PCDH15: variants seen among roughly 807,000 people sequenced by gnomAD.
The protein encoded by PCDH15 is protocadherin related 15.
Under a neutral mutation model 178.5 loss-of-function variants are expected in PCDH15, and 129 were observed. The ratio of observed to expected loss-of-function variants is 0.72; its 90% CI spans 0.63 to 0.84. PCDH15 has a LOEUF of 0.84. Among genes scored for constraint, PCDH15 ranks in the 40% least tolerant of loss-of-function variants. The pLI, the probability that PCDH15 is intolerant of heterozygous loss-of-function variation, is 0.00. For missense variants in PCDH15, 2,230 were observed against 2,099.9 expected (o/e 1.06, Z -1.21); for synonymous variants, 800 against 732.0 (o/e 1.09, Z -1.50).
At chr10:53,999,553 T>C (rs2092022666) in intron 20 of PCDH15, among the ~76,000 whole-genome samples, 1 of 152,186 alleles carries the variant, frequency 6.6e-6, no homozygotes, top group Non-Finnish European at 1.5e-5. Context: ...CAAGCTGATT[T>C]AAGAGGCCAT....
intron 3 of PCDH15, among the ~76,000 whole-genome samples, chr10:54,489,772 T>G (rs2079415081): frequency 6.6e-6 from 1 of 152,216 alleles, no homozygotes; most frequent in Non-Finnish European, 1.5e-5. Context: ...GATCTTACTA[T>G]TCTTTATCCT....
In PCDH15 at chr10:53,822,243, G is replaced by A. The variant is rs768915332; in HGVS notation, c.4368-2013C>T. The A allele has an allele frequency of 2.5e-6, 4 of 1,613,778 alleles. No individual in the cohort carries two copies. Among genetic ancestry groups the A allele is most frequent in the South Asian group, 1.1e-5 (1 of 91,080 alleles). On this transcript the variant is annotated intron_variant, in intron 32 of 37. Coordinates refer to ENST00000644397, the MANE Select transcript of PCDH15 (RefSeq NM_001384140.1). ...CAGAAATGAAGCTGAAGGAGGTGGA[G>A]GGCAAGGAATAGAAGGAGGTGGTGG... is the stretch of plus-strand genomic sequence containing the variant.
chr10:54,897,314 T>C (rs1954562617), intron 3 of PCDH15: 1 of 152,182 alleles, frequency 6.6e-6, no homozygotes, highest in Admixed American at 6.6e-5. Flanking sequence ...TTGCAACATA[T>C]CGATGATAGT....
chr10:54,967,937 ACAGT>A (rs1325487734), intron 2 of PCDH15, among the ~76,000 whole-genome samples: 1 of 152,080 alleles, frequency 6.6e-6, no homozygotes, highest in African/African-American at 2.4e-5. Flanking sequence ...ATAGAACACA[ACAGT>A]CAAATTTAAG....
intron 2 of PCDH15, among the ~76,000 whole-genome samples, chr10:55,396,443 G>C (rs761828831): frequency 1.3e-5 from 2 of 152,174 alleles, no homozygotes; most frequent in Non-Finnish European, 2.9e-5. Context: ...TATAGTGATA[G>C]TTTGTCCTTA....
chr10:55,116,712 C>T (rs1270182450), intron 2 of PCDH15, among the ~76,000 whole-genome samples: 3 of 152,182 alleles, frequency 2.0e-5, no homozygotes, highest in East Asian at 3.9e-4. Flanking sequence ...ACATGCTACC[C>T]CAAAATATGA....
At chr10:54,602,122 CT>C (rs546909021) in intron 2 of PCDH15, among the ~76,000 whole-genome samples, 73 of 152,028 alleles carry the variant, frequency 4.8e-4, no homozygotes, top group Non-Finnish European at 7.9e-4. Flanking sequence ...ACATATACCC[CT>C]AAACCTAAAA....
At chr10:54,263,115 T>C (rs1473183795) in intron 8 of PCDH15, among the ~76,000 whole-genome samples, 1 of 152,222 alleles carries the variant, frequency 6.6e-6, no homozygotes, top group Non-Finnish European at 1.5e-5. Flanking sequence ...TTTGAGACAG[T>C]ACAACTCATA....
At chr10:53,986,164 T>A (rs564962280) in intron 21 of PCDH15, among the ~76,000 whole-genome samples, 24 of 151,410 alleles carry the variant, frequency 1.6e-4, no homozygotes, top group African/African-American at 5.8e-4. Context: ...AATAACTTTT[T>A]CAAAAAAAAA....
chr10:55,624,347 C>A (rs774470889), intron 2 of PCDH15, among the ~76,000 whole-genome samples: 1 of 151,706 alleles, frequency 6.6e-6, no homozygotes, highest in Non-Finnish European at 1.5e-5. Context: ...CACATTATTC[C>A]ATTACATGCA....
intron 3 of PCDH15, among the ~76,000 whole-genome samples, chr10:54,434,261 T>C (rs1282145567): frequency 6.6e-6 from 1 of 152,060 alleles, no homozygotes; most frequent in Non-Finnish European, 1.5e-5. Context: ...AATTAATAAA[T>C]TTATTGTGAT....
chr10:54,251,167 A>C (rs2132092916), intron 8 of PCDH15, among the ~76,000 whole-genome samples: 1 of 152,314 alleles, frequency 6.6e-6, no homozygotes, highest in Non-Finnish European at 1.5e-5. Context: ...ATGCACTGCA[A>C]GTTCTACCTA....
intron 2 of PCDH15, among the ~76,000 whole-genome samples, chr10:55,127,121 T>C (rs1212333790): frequency 6.6e-6 from 1 of 152,062 alleles, no homozygotes; most frequent in Non-Finnish European, 1.5e-5. Context: ...TCATGTGCTT[T>C]TCTGCTCGAT....
At chr10:53,854,336 T>G (rs541644736) in intron 28 of PCDH15, among the ~76,000 whole-genome samples, 1 of 151,994 alleles carries the variant, frequency 6.6e-6, no homozygotes, top group East Asian at 1.9e-4. Context: ...AAAATCTATT[T>G]TGAAACAATG....
chr10:55,167,986 T>C (rs1839237997), intron 1 of PCDH15, among the ~76,000 whole-genome samples: 1 of 152,090 alleles, frequency 6.6e-6, no homozygotes, highest in Non-Finnish European at 1.5e-5. Context: ...CTACATAAAA[T>C]AAAAATTAAG....
chr10:54,939,738 C>T (rs567733403), intron 2 of PCDH15, among the ~76,000 whole-genome samples: 3 of 151,882 alleles, frequency 2.0e-5, no homozygotes, highest in Admixed American at 6.6e-5. Context: ...ATTAAGGCAC[C>T]GACAAATATG....
At chr10:55,066,135 C>T (rs1283446039) in intron 2 of PCDH15, among the ~76,000 whole-genome samples, 1 of 151,512 alleles carries the variant, frequency 6.6e-6, no homozygotes, top group Admixed American at 6.6e-5. Context: ...TATTTTTAAT[C>T]GACGTATAAG....
At chr10:53,940,596 A>G (rs939406514) in intron 24 of PCDH15, among the ~76,000 whole-genome samples, 1 of 152,166 alleles carries the variant, frequency 6.6e-6, no homozygotes, top group African/African-American at 2.4e-5. Context: ...TCATTAAAAT[A>G]TTACCAAATG....
intron 1 of PCDH15, among the ~76,000 whole-genome samples, chr10:55,234,990 A>G (rs1409290338): frequency 1.3e-5 from 2 of 152,104 alleles, no homozygotes; most frequent in African/African-American, 4.8e-5. Flanking sequence ...TTAAAAATCC[A>G]TAATGAAAAC....
Sources: gnomAD v4.1 joint callset for allele counts (sites outside exome capture counted in the v4.1 genomes callset) on GRCh38, gnomAD v4.1.1 for gene constraint, MANE v1.5 for transcripts, NCBI Gene and HGNC (gene_info 2026-07-23, HGNC 2026-07-21) for gene names.